The following PAQR8 variants were observed in gnomAD, a reference collection of about 807,000 sequenced individuals.
PAQR8 encodes membrane progestin receptor beta.
Under a neutral mutation model 25.2 loss-of-function variants are expected in PAQR8, and 17 were observed. The ratio of observed to expected loss-of-function variants is 0.67; its 90% confidence interval spans 0.46 to 1.01. PAQR8 has a LOEUF of 1.01. PAQR8 is among the 50% of genes least tolerant of loss of function. The pLI, the probability that PAQR8 is intolerant of heterozygous loss-of-function variation, is 0.00. For synonymous variants in PAQR8, 204 were observed against 190.6 expected (o/e 1.07, Z -0.58); for missense variants, 392 against 448.4 (o/e 0.87, Z 1.14).
chr6:52,401,280 C>G (rs1283140878), intron 1 of PAQR8, among the ~76,000 whole-genome samples: 1 of 152,090 alleles, frequency 6.6e-6, no homozygotes, highest in Non-Finnish European at 1.5e-5. Flanking sequence ...TGTATGTGCT[C>G]CAGTACTTGC....
intron 1 of PAQR8, among the ~76,000 whole-genome samples, chr6:52,380,971 T>C (rs1763552316): frequency 6.6e-6 from 1 of 152,216 alleles, no homozygotes; most frequent in South Asian, 2.1e-4. Flanking sequence ...TTAACCTCAT[T>C]TTTCTAGGTC....
chr6:52,390,760 A>G (rs1763697370), intron 1 of PAQR8, among the ~76,000 whole-genome samples: 1 of 152,188 alleles, frequency 6.6e-6, no homozygotes, highest in East Asian at 1.9e-4. Context: ...TATGGCAAGT[A>G]TAGTTAGGTT....
rs747709117 is a variant in PAQR8, at chr6:52,403,562, C to T, written c.349C>T (p.Leu117=). ...CTCCCTGCCTCTGCTCCTCTTCATC[C>T]TGTCGTCAATCACTTACCTCACCTG... is the stretch of plus-strand genomic sequence containing the variant. The part of the protein sequence containing the change: ...THSLPLLLFI[L]SSITYLTCSL... The change falls in exon 2 of 2, where the codon CTG becomes TTG. Residue 117 remains leucine (L), a synonymous_variant. Coordinates refer to ENST00000442253, the MANE Select transcript of PAQR8 (RefSeq NM_133367.5). The T allele has an allele frequency of 6.2e-7, 1 of 1,614,134 alleles. No homozygotes were observed. The highest frequency in any genetic ancestry group is 2.2e-5 in the East Asian group (1 of 44,884).
At chr6:52,394,080 G>A (rs1394057350) in intron 1 of PAQR8, among the ~76,000 whole-genome samples, 1 of 152,170 alleles carries the variant, frequency 6.6e-6, no homozygotes, top group East Asian at 1.9e-4. Context: ...ATCCTACAGA[G>A]GTTCCTGTGA....
chr6:52,386,529 G>T (rs1420132218), intron 1 of PAQR8, among the ~76,000 whole-genome samples: 1 of 152,174 alleles, frequency 6.6e-6, no homozygotes, highest in East Asian at 1.9e-4. Context: ...CTGTAAAACA[G>T]AATTTGCAGC....
chr6:52,398,353 C>G (rs887533909), intron 1 of PAQR8, among the ~76,000 whole-genome samples: 1 of 151,352 alleles, frequency 6.6e-6, no homozygotes, highest in East Asian at 2.0e-4. Flanking sequence ...ATTACAGGAG[C>G]CTGCTAACAC....
chr6:52,371,518 A>C (rs1763418983), intron 1 of PAQR8, among the ~76,000 whole-genome samples: 1 of 152,204 alleles, frequency 6.6e-6, no homozygotes, highest in African/African-American at 2.4e-5. Context: ...AGTGATCCAT[A>C]CATCCATCTC....
intron 1 of PAQR8, among the ~76,000 whole-genome samples, chr6:52,384,904 ACAAT>A (rs1260115759): frequency 9.2e-5 from 14 of 152,196 alleles, no homozygotes; most frequent in Admixed American, 9.2e-4. Flanking sequence ...ACAAAAATAA[ACAAT>A]GGGGAAAGGA....
chr6:52,399,049 A>G (rs1389997847), intron 1 of PAQR8, among the ~76,000 whole-genome samples: 1 of 152,144 alleles, frequency 6.6e-6, no homozygotes, highest in East Asian at 1.9e-4. Flanking sequence ...CTGTGGCTGC[A>G]TTTTAAAGAT....
intron 1 of PAQR8, among the ~76,000 whole-genome samples, chr6:52,396,106 C>G (rs1190769633): frequency 6.6e-6 from 1 of 152,162 alleles, no homozygotes; most frequent in Non-Finnish European, 1.5e-5. Context: ...CCTAACAGTC[C>G]CTGCCTTTAA....
chr6:52,403,400 C>T lies in PAQR8; in HGVS notation c.187C>T (p.Arg63Cys), dbSNP rs769555623. ...CTACCGCCCCACGGGGCACGAGTGG[C>T]GCTACTACTTCTTCAGCCTCTTTCA... ...TGYRPTGHEWRYYFFSLFQKH... is the reference protein window; with the variant it reads ...TGYRPTGHEWCYYFFSLFQKH... The change falls in exon 2 of 2, where the codon CGC becomes TGC. Residue 63 changes from arginine (R) to cysteine (C), a missense_variant. Arg to Cys is a radical substitution (Grantham distance 180). Coordinates refer to ENST00000442253, the MANE Select transcript of PAQR8 (RefSeq NM_133367.5). 3.1e-6 allele frequency: 5 copies of T among 1,614,254 alleles called. No homozygotes were observed. Among genetic ancestry groups the T allele is most frequent in the Admixed American group, 3.3e-5 (2 of 60,036 alleles).
In PAQR8 at chr6:52,404,147, C is replaced by T. The variant is rs767166201; in HGVS notation, c.934C>T (p.Leu312=). ...CTACCAGGGGCGGCAGGAGATCTTC[C>T]TGCAGCGCCATGGACCCCTATCTGT... ...LDYQGRQEIF[L]QRHGPLSVHM... Residue 312 remains leucine (L), a synonymous_variant, in exon 2 of 2, where the codon CTG becomes TTG. Coordinates refer to ENST00000442253, the MANE Select transcript of PAQR8 (RefSeq NM_133367.5). The T allele has an allele frequency of 5.6e-6, 9 of 1,614,218 alleles. No individual in the cohort carries two copies. Among genetic ancestry groups the T allele is most frequent in the African/African-American group, 1.3e-5 (1 of 75,058 alleles).
In PAQR8 at chr6:52,403,297, T is replaced by C. The variant is rs771416602; in HGVS notation, c.84T>C (p.Asp28=). The C allele has an allele frequency of 1.2e-5, 19 of 1,613,986 alleles. No homozygotes were observed. The South Asian group carries it at 2.1e-4, about 18-fold the overall frequency. ...QLRRLPKILE[D]GLPKMPCTVP... is the part of the protein sequence containing the mutation. ...GCCGCCTGCCCAAGATCCTGGAGGA[T>C]GGGCTTCCCAAGATGCCTTGCACTG... is the stretch of plus-strand genomic sequence containing the variant. The change falls in exon 2 of 2, where the codon GAT becomes GAC. Residue 28 remains aspartate (D), a synonymous_variant. Transcript: ENST00000442253.
At chr6:52,386,923 A>C (rs565357307) in intron 1 of PAQR8, among the ~76,000 whole-genome samples, 26 of 152,352 alleles carry the variant, frequency 1.7e-4, no homozygotes, top group Non-Finnish European at 3.1e-4. Context: ...AATATCATGG[A>C]GATGAAAGCT....
intron 1 of PAQR8, among the ~76,000 whole-genome samples, chr6:52,400,793 G>C (rs1215699873): frequency 6.6e-6 from 1 of 152,128 alleles, no homozygotes; most frequent in Non-Finnish European, 1.5e-5. Context: ...TTTTTGTGTT[G>C]ATTCCCCTAC....
In PAQR8 at chr6:52,404,916, A is replaced by G. The variant is rs1009914502; in HGVS notation, c.*638A>G. ...CTGTTCACTCACATCCCTACCTTGCATGGTAATATAAAGGACTAGGAAGCA... is the reference window on the plus strand; with the variant it reads ...CTGTTCACTCACATCCCTACCTTGCGTGGTAATATAAAGGACTAGGAAGCA... On this transcript the variant is annotated 3_prime_UTR_variant, in exon 2 of 2. Transcript: ENST00000442253. The G allele has an allele frequency of 6.0e-6, 1 of 167,118 alleles. No homozygotes were observed. The highest frequency in any genetic ancestry group is 1.5e-5 in the Non-Finnish European group (1 of 68,270). The allele number at this position is 167,118 out of a possible 1,614,324, so 10.4% of individuals were successfully genotyped here.
intron 1 of PAQR8, among the ~76,000 whole-genome samples, chr6:52,392,991 C>T (rs1473369826): frequency 6.6e-6 from 1 of 152,132 alleles, no homozygotes; most frequent in East Asian, 1.9e-4. Flanking sequence ...GTTAATGAAG[C>T]AAAGCAGTAT....
intron 1 of PAQR8, among the ~76,000 whole-genome samples, chr6:52,399,645 G>T (rs773379593): frequency 6.6e-6 from 1 of 152,184 alleles, no homozygotes; most frequent in Non-Finnish European, 1.5e-5. Context: ...GATACTGGGA[G>T]CATCTTTGGG....
In PAQR8 at chr6:52,403,379, C is replaced by A; in HGVS notation, c.166C>A (p.Arg56Ser). The A allele has an allele frequency of 1.2e-6, 2 of 1,614,234 alleles. No homozygotes were observed. Among genetic ancestry groups the A allele is most frequent in the South Asian group, 2.2e-5 (2 of 91,092 alleles). Residue 56 changes from arginine (R) to serine (S), a missense_variant, in exon 2 of 2, where the codon CGC becomes AGC. By Grantham distance (110) the Arg-to-Ser change is moderately radical (BLOSUM62 -1). Coordinates refer to ENST00000442253, the MANE Select transcript of PAQR8 (RefSeq NM_133367.5). ...GGAGCCTTACATCCGCACCGGCTAC[C>A]GCCCCACGGGGCACGAGTGGCGCTA... ...FREPYIRTGYRPTGHEWRYYF... is the reference protein window; with the variant it reads ...FREPYIRTGYSPTGHEWRYYF...
Sources: gnomAD v4.1 joint callset for allele counts (sites outside exome capture counted in the v4.1 genomes callset) on GRCh38, gnomAD v4.1.1 for gene constraint, MANE v1.5 for transcripts, NCBI Gene and HGNC (gene_info 2026-07-23, HGNC 2026-07-21) for gene names.